Variants in MECR observed in about 807,000 individuals in gnomAD.
MECR encodes the protein mitochondrial trans-2-enoyl-CoA reductase.
Under a neutral mutation model 49.1 loss-of-function variants are expected in MECR, and 37 were observed. The ratio of observed to expected loss-of-function variants is 0.75; its 90% CI spans 0.58 to 0.99. The LOEUF (loss-of-function observed/expected upper bound fraction) is 0.99. Ranked by LOEUF, MECR falls within the 50% of genes least tolerant of loss-of-function variation. The probability of loss-of-function intolerance (pLI) is 0.00; values close to 1 mark genes in which losing one functional copy is unlikely to be tolerated. For missense variants in MECR, 470 were observed against 479.6 expected (o/e 0.98, Z 0.19); for synonymous variants, 198 against 191.1 (o/e 1.04, Z -0.30).
At chr1:29,200,288 C>T (rs1006040187) in intron 7 of MECR, 4 of 393,948 alleles carry the variant, frequency 1.0e-5, no homozygotes, top group African/African-American at 2.0e-5. Flanking sequence ...TTCTGGGGTC[C>T]CTTGGAAAAA....
downstream of MECR, among the ~76,000 whole-genome samples, chr1:29,191,474 T>C (rs545756432): frequency 6.6e-6 from 1 of 152,160 alleles, no homozygotes; most frequent in South Asian, 2.1e-4. Flanking sequence ...TGTCTAATTA[T>C]AGGTGTGAGA....
At chr1:29,182,088 A>G in the MECR span, 1 of 225,268 alleles carries the variant, frequency 4.4e-6, no homozygotes, top group East Asian at 1.1e-4. Flanking sequence ...AGCTCGCCAA[A>G]GGGGTTCCTG....
At chr1:29,192,436 G>A (rs143853885), downstream of MECR, among the ~76,000 whole-genome samples, 1,670 of 152,234 alleles carry the variant, frequency 0.011, 36 homozygotes, top group African/African-American at 0.038. Context: ...TGGGGCCCCT[G>A]TGTGTCCTCT....
the MECR span, among the ~76,000 whole-genome samples, chr1:29,175,374 C>G: frequency 6.6e-6 from 1 of 151,134 alleles, no homozygotes; most frequent in Non-Finnish European, 1.5e-5. Flanking sequence ...GCATTCCAGC[C>G]TGGGCAACAG....
the MECR span, chr1:29,171,139 C>G: frequency 1.3e-5 from 2 of 152,084 alleles, no homozygotes; most frequent in Non-Finnish European, 1.5e-5. Flanking sequence ...CAGCCAACCA[C>G]GATAAAGCTG....
chr1:29,178,816 T>C, the MECR span, among the ~76,000 whole-genome samples: 1 of 152,252 alleles, frequency 6.6e-6, no homozygotes, highest in African/African-American at 2.4e-5. Flanking sequence ...GTTTTTGCCA[T>C]ACAGGCAATT....
chr1:29,197,271 C>G (rs1674233827), intron 7 of MECR, among the ~76,000 whole-genome samples: 1 of 152,168 alleles, frequency 6.6e-6, no homozygotes, highest in South Asian at 2.1e-4. Context: ...TAGGGTGATG[C>G]AGTGAAAATG....
In MECR at chr1:29,216,682, G is replaced by A; in HGVS notation, c.180C>T (p.Leu60=). Reference sequence around the variant, plus strand: ...TCACAGCAGCTAGCTCCAGGTTCTTGAGTCTAAGCACAAAGCCAAACGGAG... The same window carrying A: ...TCACAGCAGCTAGCTCCAGGTTCTTAAGTCTAAGCACAAAGCCAAACGGAG... ...HHGDPAKVVE[L]KNLELAAVRG... The change falls in exon 2 of 10, where the codon CTC becomes CTT. Residue 60 remains leucine, a synonymous_variant. Coordinates refer to ENST00000263702, the MANE Select transcript of MECR (RefSeq NM_016011.5). 6.2e-7 allele frequency: 1 copy of A among 1,614,204 alleles called. No individual in the cohort carries two copies. The highest frequency in any genetic ancestry group is 8.5e-7 in the Non-Finnish European group (1 of 1,180,032).
At chr1:29,208,414 T>C (rs1677140869) in intron 3 of MECR, among the ~76,000 whole-genome samples, 1 of 152,224 alleles carries the variant, frequency 6.6e-6, no homozygotes, top group South Asian at 2.1e-4. Context: ...GTTACTCTAA[T>C]GTGTAAATAG....
At chr1:29,179,136 A>G in the MECR span, among the ~76,000 whole-genome samples, 1 of 152,072 alleles carries the variant, frequency 6.6e-6, no homozygotes, top group East Asian at 1.9e-4. Context: ...TTCCTTCCAG[A>G]GCCTTTGAAT....
At chr1:29,180,806 C>G in the MECR span, among the ~76,000 whole-genome samples, 1 of 152,278 alleles carries the variant, frequency 6.6e-6, no homozygotes, top group East Asian at 1.9e-4. Context: ...ACTATTTTTG[C>G]CGAAGTAGAT....
intron 1 of MECR, among the ~76,000 whole-genome samples, chr1:29,226,908 A>C (rs1299462975): frequency 2.0e-5 from 3 of 151,934 alleles, no homozygotes; most frequent in African/African-American, 7.3e-5. Flanking sequence ...GACTTTCAGG[A>C]AAAAAAGAAG....
intron 3 of MECR, among the ~76,000 whole-genome samples, chr1:29,208,681 T>A (rs1558455377): frequency 6.6e-6 from 1 of 151,956 alleles, no homozygotes; most frequent in Non-Finnish European, 1.5e-5. Flanking sequence ...CTAGGCAGAG[T>A]TGGAGCTGGA....
At chr1:29,191,895 C>T (rs1272478428), downstream of MECR, among the ~76,000 whole-genome samples, 1 of 152,052 alleles carries the variant, frequency 6.6e-6, no homozygotes, top group East Asian at 1.9e-4. Context: ...AGTTCAAGAC[C>T]AGCCTGGCCA....
intron 7 of MECR, 67 bp from the exon 8 acceptor site, chr1:29,196,325 T>C: frequency 7.1e-7 from 1 of 1,410,622 alleles, no homozygotes; most frequent in South Asian, 1.3e-5. Context: ...GAACCTGCCA[T>C]GGCGCTTCTA....
At chr1:29,202,605 G>A (rs906874617) in intron 5 of MECR, among the ~76,000 whole-genome samples, 1 of 152,140 alleles carries the variant, frequency 6.6e-6, no homozygotes, top group Non-Finnish European at 1.5e-5. Flanking sequence ...AGGAAACCGA[G>A]TCTATTACTG....
At chr1:29,227,846 C>T (rs751499779) in intron 1 of MECR, among the ~76,000 whole-genome samples, 7 of 152,136 alleles carry the variant, frequency 4.6e-5, no homozygotes, top group African/African-American at 7.2e-5. Flanking sequence ...TCAGTCCATA[C>T]GAGAACAAGT....
rs1163462795 is a variant in MECR at position 29,230,739 on chromosome 1, C to G, written c.168G>C (p.Lys56Asn). The change falls in exon 1 of 10, where the codon AAG becomes AAC. Residue 56 changes from lysine (K) to asparagine (N), a missense_variant. Coordinates refer to ENST00000263702, the MANE Select transcript of MECR (RefSeq NM_016011.5). ...TCGGCGCCGTCTCTTACTCGACGAC[C>G]TTGGCTGGATCCCCGTGGTGCCCAT... ...LVYGHHGDPA[K>N]VVELKNLELA... The G allele has an allele frequency of 6.3e-7, 1 of 1,581,042 alleles. No individual in the cohort carries two copies. The highest frequency in any genetic ancestry group is 8.6e-7 in the Non-Finnish European group (1 of 1,163,492).
intron 7 of MECR, among the ~76,000 whole-genome samples, chr1:29,198,095 ATCCCT>A (rs1322639866): frequency 1.3e-5 from 2 of 152,096 alleles, no homozygotes. Context: ...TGGGACCTAG[ATCCCT>A]TCCCTGCGTG....
Sources: gnomAD v4.1 joint callset for allele counts (sites outside exome capture counted in the v4.1 genomes callset) on GRCh38, gnomAD v4.1.1 for gene constraint, MANE v1.5 for transcripts, NCBI Gene and HGNC (gene_info 2026-07-23, HGNC 2026-07-21) for gene names.